MEP1B: variants seen among roughly 807,000 people sequenced by gnomAD.
MEP1B encodes N-benzoyl-L-tyrosyl-P-amino-benzoic acid hydrolase subunit beta.
Under a neutral mutation model 84.6 loss-of-function variants are expected in MEP1B, and 80 were observed. That is an observed-to-expected ratio of 0.95 (90% confidence interval 0.79 to 1.14). The LOEUF (loss-of-function observed/expected upper bound fraction) is 1.14. Among genes scored for constraint, MEP1B ranks in the 50% most tolerant of loss-of-function variants. The pLI is 0.00. For missense variants in MEP1B, 766 were observed against 855.1 expected (o/e 0.90, Z 1.30); for synonymous variants, 273 against 288.1 (o/e 0.95, Z 0.53).
intron 14 of MEP1B, among the ~76,000 whole-genome samples, chr18:32,218,236 T>C (rs1568274964): frequency 6.6e-6 from 1 of 152,030 alleles, no homozygotes; most frequent in Admixed American, 6.6e-5. Flanking sequence ...GAGTGTGGGG[T>C]GGTCTGTGAC....
At position 32,215,193 on chromosome 18, in the gene MEP1B, C is replaced by T. The variant is rs2041070078; in HGVS notation, c.1691C>T (p.Thr564Ile). The T allele has an allele frequency of 1.9e-6, 3 of 1,611,532 alleles. No homozygotes were observed. The highest frequency in any genetic ancestry group is 1.7e-5 in the Admixed American group (1 of 59,614). ...GGGYGTSAFI[T>I]HERLKSRDFI... ...GGCTATGGAACCAGTGCCTTTATAACCCACGAAAGGCTGAAAAGCAGAGAT... is the reference window on the plus strand; with the variant it reads ...GGCTATGGAACCAGTGCCTTTATAATCCACGAAAGGCTGAAAAGCAGAGAT... The change falls in exon 12 of 15, where the codon ACC (threonine) becomes ATC (isoleucine). Residue 564 changes from threonine (T) to isoleucine (I), a missense_variant. By Grantham distance (89) the Thr-to-Ile change is moderately conservative (BLOSUM62 -1). Coordinates refer to ENST00000269202, the MANE Select transcript of MEP1B (RefSeq NM_005925.3).
intron 4 of MEP1B, among the ~76,000 whole-genome samples, chr18:32,193,660 C>A (rs2040824545): frequency 6.6e-6 from 1 of 152,098 alleles, no homozygotes; most frequent in South Asian, 2.1e-4. Context: ...CTAGAAATTA[C>A]CCAGTAGATC....
chr18:32,197,353 G>T lies in MEP1B; in HGVS notation c.250+1868G>T, dbSNP rs142483527. On this transcript the variant is annotated intron_variant, in intron 5 of 14. Transcript: ENST00000269202. ...AGAAATTGCTGTTTGGGAAAAGTTTGAGTAAAAACCCTGCTATAGTTTTTT... is the reference window on the plus strand; with the variant it reads ...AGAAATTGCTGTTTGGGAAAAGTTTTAGTAAAAACCCTGCTATAGTTTTTT... 7.3e-3 allele frequency among the ~76,000 whole-genome samples: 1,110 copies of T among 151,772 alleles called. 5 individuals are homozygous for T. Among genetic ancestry groups the T allele is most frequent in the Non-Finnish European group, 0.01 (710 of 67,936 alleles).
chr18:32,208,352 CTCTAATT>C, intron 9 of MEP1B, 81 bp downstream of exon 9: 3 of 1,312,968 alleles, frequency 2.3e-6, no homozygotes, highest in Non-Finnish European at 3.1e-6. Flanking sequence ...GGGATTTTAT[CTCTAATT>C]TCTATCAGAA....
Position 32,196,601 on chromosome 18 carries a change from G to T in MEP1B, c.250+1116G>T. ...CGTTGTCCAGGAAGCACAGCGACAGGTCGTACTCCATCACCCTGTGCAGCA... is the reference window on the plus strand; with the variant it reads ...CGTTGTCCAGGAAGCACAGCGACAGTTCGTACTCCATCACCCTGTGCAGCA... On this transcript the variant is annotated intron_variant, in intron 5 of 14. Transcript: ENST00000269202. The surrounding 1 kb of genome is among the most constrained non-coding windows in gnomAD (Gnocchi z 4.4). 1 of 723,012 alleles carries T rather than the reference G, an allele frequency of 1.4e-6. No individual in the cohort carries two copies. Among genetic ancestry groups the T allele is most frequent in the East Asian group, 2.6e-5 (1 of 39,106 alleles). 44.8% of individuals were successfully genotyped at this position (723,012 alleles called of 1,614,324 possible).
At position 32,213,240 on chromosome 18, in the gene MEP1B, C is replaced by T; in HGVS notation, c.1260C>T (p.Ile420=). ...TGGGTGGTCTGTCTATTGATGACAT[C>T]AATCTTTCGGAAACACGGTGCCCTC... is the stretch of plus-strand genomic sequence containing the variant. ...ASLGGLSIDD[I]NLSETRCPHH... The change falls in exon 11 of 15, where the codon ATC becomes ATT. Residue 420 remains isoleucine (I), a synonymous_variant. Coordinates refer to ENST00000269202, the MANE Select transcript of MEP1B (RefSeq NM_005925.3). The T allele has an allele frequency of 6.2e-7, 1 of 1,613,974 alleles. No individual in the cohort carries two copies. The highest frequency in any genetic ancestry group is 1.1e-5 in the South Asian group (1 of 91,082).
At chr18:32,193,770 C>T (rs1379044548) in intron 4 of MEP1B, among the ~76,000 whole-genome samples, 1 of 152,154 alleles carries the variant, frequency 6.6e-6, no homozygotes, top group Admixed American at 6.5e-5. Context: ...CCTCCCACCC[C>T]CAGGAAACAG....
chr18:32,196,583 C>A lies in MEP1B; in HGVS notation c.250+1098C>A. On this transcript the variant is annotated intron_variant, in intron 5 of 14. Transcript: ENST00000269202. This position sits in a 1 kb window ranked among gnomAD's most constrained non-coding sequence, Gnocchi z 4.4. The stretch of plus-strand genomic sequence containing the variant: ...TGGTGCTGACGGCCAGCGCGTTGTC[C>A]AGGAAGCACAGCGACAGGTCGTACT... 1 of 720,120 alleles carries A rather than the reference C, an allele frequency of 1.4e-6. No homozygotes were observed. The allele number at this position is 720,120 out of a possible 1,614,324, so 44.6% of individuals were successfully genotyped here. A position where few individuals can be genotyped will look rare whatever the true frequency, so the allele number is the denominator to read the frequency against.
At chr18:32,194,262 T>A (rs1054953069) in intron 4 of MEP1B, among the ~76,000 whole-genome samples, 13 of 152,192 alleles carry the variant, frequency 8.5e-5, no homozygotes, top group African/African-American at 3.1e-4. Context: ...GCTTTTTCCA[T>A]TAGCCTCCTA....
intron 7 of MEP1B, among the ~76,000 whole-genome samples, chr18:32,204,571 G>T (rs2040945923): frequency 6.6e-6 from 1 of 152,058 alleles, no homozygotes; most frequent in Non-Finnish European, 1.5e-5. Flanking sequence ...TGGTTTTGTG[G>T]TTCTTAAAGC....
rs755962966 is a variant in MEP1B, at chr18:32,210,654, A to G, written c.1073A>G (p.Tyr358Cys). ...AGTGAAAGTGATCAACTGAACATCT[A>G]TATCAGGGAGTATTCTGCAGACAAT... is the stretch of plus-strand genomic sequence containing the variant. The part of the protein sequence containing the change: ...SGSESDQLNI[Y>C]IREYSADNVD... Residue 358 changes from tyrosine to cysteine, a missense_variant, in exon 10 of 15, where the codon TAT (tyrosine) becomes TGT (cysteine). Coordinates refer to ENST00000269202, the MANE Select transcript of MEP1B (RefSeq NM_005925.3). 2.5e-6 allele frequency: 4 copies of G among 1,613,900 alleles called. No individual in the cohort carries two copies. Among genetic ancestry groups the G allele is most frequent in the Non-Finnish European group, 3.4e-6 (4 of 1,179,884 alleles).
Position 32,196,914 on chromosome 18 carries a change from A to G in MEP1B, c.250+1429A>G. ...CAGGCAGGCTCAGATCTCCACGTGC[A>G]CTGCTCCCTACACTTGGTTAAACAG... On this transcript the variant is annotated intron_variant, in intron 5 of 14. Transcript: ENST00000269202. The surrounding 1 kb of genome is among the most constrained non-coding windows in gnomAD (Gnocchi z 4.4). 2.4e-6 allele frequency: 1 copy of G among 409,176 alleles called. No homozygotes were observed. Among genetic ancestry groups the G allele is most frequent in the South Asian group, 2.4e-5 (1 of 41,940 alleles). The allele number at this position is 409,176 out of a possible 1,614,324, so 25.3% of individuals were successfully genotyped here.
intron 14 of MEP1B, among the ~76,000 whole-genome samples, chr18:32,218,368 G>T (rs990492423): frequency 2.6e-5 from 4 of 152,238 alleles, no homozygotes; most frequent in Non-Finnish European, 4.4e-5. Flanking sequence ...CATAGGAAGG[G>T]GATGCAGGCA....
intron 9 of MEP1B, among the ~76,000 whole-genome samples, chr18:32,208,961 T>C (rs1423621738): frequency 3.9e-5 from 6 of 152,140 alleles, no homozygotes; most frequent in Non-Finnish European, 7.4e-5. Context: ...GGATAGTGGA[T>C]AGTGGTCCTA....
chr18:32,213,538 A>G lies in MEP1B; in HGVS notation c.1558A>G (p.Thr520Ala). Residue 520 changes from threonine to alanine, a missense_variant, in exon 11 of 15, where the codon ACA becomes GCA. By Grantham distance (58) the Thr-to-Ala change is moderately conservative (BLOSUM62 0). Coordinates refer to ENST00000269202, the MANE Select transcript of MEP1B (RefSeq NM_005925.3). Reference sequence around the variant, plus strand: ...TATGTCCAATCAGCGGAGTATAACTACAGACCCATTTATGACCACCGGTTC... The same window carrying G: ...TATGTCCAATCAGCGGAGTATAACTGCAGACCCATTTATGACCACCGGTTC... ...QRMSNQRSIT[T>A]DPFMTTDNGN... 6 of 1,612,350 alleles carry G rather than the reference A, an allele frequency of 3.7e-6. No individual in the cohort carries two copies. The highest frequency in any genetic ancestry group is 5.1e-6 in the Non-Finnish European group (6 of 1,178,606).
intron 14 of MEP1B, among the ~76,000 whole-genome samples, chr18:32,219,580 T>G (rs976245040): frequency 6.6e-6 from 1 of 152,142 alleles, no homozygotes; most frequent in East Asian, 1.9e-4. Context: ...GGGGACAAGT[T>G]AACTGGGTGG....
Position 32,210,467 on chromosome 18 carries a change from C to A in MEP1B, c.920-34C>A, listed in dbSNP as rs560220924. On this transcript the variant is annotated intron_variant, in intron 9 of 14. Transcript: ENST00000269202. The stretch of plus-strand genomic sequence containing the variant: ...AAACACACATTCCTATACCCAGTAT[C>A]TGTTTTTCTCTCAATTCTGCTTTTC... 3.5e-5 allele frequency: 55 copies of A among 1,567,168 alleles called. No homozygotes were observed. The South Asian group carries it at 6.1e-4, about 17-fold the overall frequency.
intron 10 of MEP1B, among the ~76,000 whole-genome samples, chr18:32,212,408 G>A (rs896395215): frequency 1.3e-5 from 2 of 152,128 alleles, no homozygotes; most frequent in African/African-American, 4.8e-5. Context: ...GGGGGCCTCT[G>A]CAGATTATTT....
chr18:32,191,837 T>C lies in MEP1B; in HGVS notation c.79T>C (p.Phe27Leu). 1 of 1,537,974 alleles carries C rather than the reference T, an allele frequency of 6.5e-7. No individual in the cohort carries two copies. The highest frequency in any genetic ancestry group is 8.8e-7 in the Non-Finnish European group (1 of 1,130,202). ...TATTTCCCAGGCAACTCCAGAAAAC[T>C]TTGGTGAGTCTATTTTGAGTTTTGT... is the stretch of plus-strand genomic sequence containing the variant. ...VISGLATPEN[F>L]DVDGGMDQDI... The change falls in exon 2 of 15, where the codon TTT becomes CTT. Residue 27 changes from phenylalanine (F) to leucine (L), a missense_variant. Phe to Leu is a conservative substitution (Grantham distance 22). Transcript: ENST00000269202.
Sources: allele counts gnomAD v4.1 joint callset (sites outside exome capture counted in the v4.1 genomes callset), GRCh38; gene constraint gnomAD v4.1.1; non-coding constraint Gnocchi (gnomAD v3.1); transcripts MANE v1.5; gene names NCBI Gene and HGNC (gene_info 2026-07-23, HGNC 2026-07-21).